Variants in MYT1 observed in about 807,000 individuals in gnomAD.
MYT1 encodes the protein myelin transcription factor 1.
Under a neutral mutation model 123.0 loss-of-function variants are expected in MYT1, and 23 were observed. That is an observed-to-expected ratio of 0.19 (90% CI 0.13 to 0.26). The LOEUF (loss-of-function observed/expected upper bound fraction) is 0.26. Ranked by LOEUF, MYT1 falls within the 10% of genes least tolerant of loss-of-function variation. The pLI is 1.00. For missense variants in MYT1, 1,125 were observed against 1,472.5 expected, an observed-to-expected ratio of 0.76 and a Z score of 3.86; for synonymous variants, 518 against 575.3, an observed-to-expected ratio of 0.90 and a Z score of 1.43.
In MYT1 at chr20:64,168,755, C is replaced by T. The variant is rs1435716811; in HGVS notation, c.-99+4016C>T. Among the ~76,000 whole-genome samples, 5 of 152,344 alleles carry T rather than the reference C, an allele frequency of 3.3e-5. No homozygotes were observed. Among genetic ancestry groups the T allele is most frequent in the East Asian group, 1.9e-4 (1 of 5,184 alleles). Reference sequence around the variant, plus strand: ...TATTTGGGACTGTGGCCTGGGAGCACGGCCTGTGCCAGGAGGGTGCAGGTT... The same window carrying T: ...TATTTGGGACTGTGGCCTGGGAGCATGGCCTGTGCCAGGAGGGTGCAGGTT... On this transcript the variant is annotated intron_variant, in intron 1 of 22. Coordinates refer to ENST00000328439, the MANE Select transcript of MYT1 (RefSeq NM_004535.3). The surrounding 1 kb of genome is among the most constrained non-coding windows in gnomAD (Gnocchi z 6.1).
At position 64,212,506 on chromosome 20, in the gene MYT1, G is replaced by C. The variant is rs1001155535; in HGVS notation, c.1517+368G>C. Among the ~76,000 whole-genome samples, 1 of 152,168 alleles carries C rather than the reference G, an allele frequency of 6.6e-6. No individual in the cohort carries two copies. The highest frequency in any genetic ancestry group is 2.1e-4 in the South Asian group (1 of 4,828). ...AGTGGTGTTGCTGCCTTAACCCTAC[G>C]AGCTCCCGAGAGAGCAGGGGGCGGC... On this transcript the variant is annotated intron_variant, in intron 9 of 22. Coordinates refer to ENST00000328439, the MANE Select transcript of MYT1 (RefSeq NM_004535.3). The surrounding 1 kb of genome is among the most constrained non-coding windows in gnomAD (Gnocchi z 6.8).
At chr20:64,170,872 TATATATATATATAGAGAGAG>T (rs1249253061) in intron 1 of MYT1, among the ~76,000 whole-genome samples, 14 of 62,472 alleles carry the variant, frequency 2.2e-4, no homozygotes, top group Admixed American at 4.4e-4. Flanking sequence ...TATATATATA[TATATATATATATAGAGAGAG>T]AGAGAGAGAG....
Position 64,240,933 on chromosome 20 carries a change from T to C in MYT1, c.*485T>C, listed in dbSNP as rs1007084693. ...GAAGAAAGTGCGTTTTCTGTTTTCA[T>C]TTAATTCAGTTTTGTGTTAAGGGTG... is the stretch of plus-strand genomic sequence containing the variant. On this transcript the variant is annotated 3_prime_UTR_variant, in exon 23 of 23. Coordinates refer to ENST00000328439, the MANE Select transcript of MYT1 (RefSeq NM_004535.3). The C allele has an allele frequency of 1.9e-5, 3 of 157,172 alleles. No homozygotes were observed. The highest frequency in any genetic ancestry group is 1.8e-4 in the Admixed American group (3 of 16,252). 9.7% of individuals were successfully genotyped at this position (157,172 alleles called of 1,614,324 possible). A position where few individuals can be genotyped will look rare whatever the true frequency, so the allele number is the denominator to read the frequency against.
chr20:64,205,610 C>T lies in MYT1; in HGVS notation c.207C>T (p.His69=). 1 of 1,614,136 alleles carries T rather than the reference C, an allele frequency of 6.2e-7. No homozygotes were observed. The highest frequency in any genetic ancestry group is 1.1e-5 in the South Asian group (1 of 91,084). The part of the protein sequence containing the change: ...KRKLEGAEAE[H]LVSKRKSHPL... ...AGCTGGAGGGCGCTGAGGCTGAGCA[C>T]CTGGTGTCCAAGAGGAAGTCACACC... is the stretch of plus-strand genomic sequence containing the variant. Residue 69 remains histidine, a synonymous_variant, in exon 6 of 23, where the codon CAC becomes CAT. Coordinates refer to ENST00000328439, the MANE Select transcript of MYT1 (RefSeq NM_004535.3).
chr20:64,216,389 C>T (rs1417734999), intron 10 of MYT1, among the ~76,000 whole-genome samples: 2 of 152,244 alleles, frequency 1.3e-5, no homozygotes, highest in African/African-American at 4.8e-5. Context: ...CATGTAAAAT[C>T]CTGAAGTATT....
chr20:64,203,769 A>G lies in MYT1; in HGVS notation c.87-1266A>G, dbSNP rs1983395953. Among the ~76,000 whole-genome samples, 1 of 152,226 alleles carries G rather than the reference A, an allele frequency of 6.6e-6. No individual in the cohort carries two copies. The highest frequency in any genetic ancestry group is 1.5e-5 in the Non-Finnish European group (1 of 68,042). ...CTGGGCCCCACAGTTGTCTGCAGTC[A>G]GGCCTGTGATCAGTCGAATTAGAAA... On this transcript the variant is annotated intron_variant, in intron 4 of 22. Coordinates refer to ENST00000328439, the MANE Select transcript of MYT1 (RefSeq NM_004535.3). The surrounding 1 kb of genome is among the most constrained non-coding windows in gnomAD (Gnocchi z 5.1).
intron 1 of MYT1, among the ~76,000 whole-genome samples, chr20:64,179,881 TAC>T (rs139617357): frequency 2.7e-5 from 4 of 150,684 alleles, no homozygotes; most frequent in Admixed American, 6.6e-5. Flanking sequence ...TACACACAGT[TAC>T]ACACACGCTA....
chr20:64,181,991 C>T (rs1463180143), intron 1 of MYT1, among the ~76,000 whole-genome samples: 1 of 152,100 alleles, frequency 6.6e-6, no homozygotes, highest in South Asian at 2.1e-4. Context: ...GGCTGTGGTC[C>T]CCCAGGAGTC....
At position 64,231,687 on chromosome 20, in the gene MYT1, C is replaced by G. The variant is rs1272401293; in HGVS notation, c.2676-477C>G. 6.6e-6 allele frequency among the ~76,000 whole-genome samples: 1 copy of G among 152,218 alleles called. No homozygotes were observed. Among genetic ancestry groups the G allele is most frequent in the Admixed American group, 6.5e-5 (1 of 15,290 alleles). On this transcript the variant is annotated intron_variant, in intron 18 of 22. Transcript: ENST00000328439. The surrounding 1 kb of genome is among the most constrained non-coding windows in gnomAD (Gnocchi z 6.4). ...GTGACAGGCCTCTGCTGTCCCTGAG[C>G]TCCCCTGCTTAGGGGACCTTGTCAT...
At chr20:64,195,708 A>G (rs972704323) in intron 2 of MYT1, among the ~76,000 whole-genome samples, 3 of 152,186 alleles carry the variant, frequency 2.0e-5, no homozygotes, top group African/African-American at 7.2e-5. Context: ...AACCATGTAT[A>G]TTTTCAAAAG....
At chr20:64,211,951 G>A in intron 8 of MYT1, 97 bp from the exon 9 acceptor site, 1 of 1,004,336 alleles carries the variant, frequency 1.0e-6, no homozygotes. Context: ...CTTTGGACAA[G>A]GCTCCTGCAC....
Position 64,208,584 on chromosome 20 carries a change from T to A in MYT1, c.1291+97T>A. The A allele has an allele frequency of 1.4e-6, 2 of 1,468,218 alleles. No individual in the cohort carries two copies. The highest frequency in any genetic ancestry group is 1.8e-6 in the Non-Finnish European group (2 of 1,111,528). The allele number at this position is 1,468,218 out of a possible 1,614,324, so 90.9% of individuals were successfully genotyped here. ...TGAGAGCCCTTCTAGGACAGGGGGC[T>A]GGGGGATGGCAGAAAAGCAGACAAA... is the stretch of plus-strand genomic sequence containing the variant. On this transcript the variant is annotated intron_variant, in intron 7 of 22. Coordinates refer to ENST00000328439, the MANE Select transcript of MYT1 (RefSeq NM_004535.3). The surrounding 1 kb of genome is among the most constrained non-coding windows in gnomAD (Gnocchi z 5.4).
chr20:64,238,986 G>A (rs149696869), intron 21 of MYT1, among the ~76,000 whole-genome samples: 7 of 152,308 alleles, frequency 4.6e-5, no homozygotes, highest in Admixed American at 2.0e-4. Flanking sequence ...CAGAAGAAGC[G>A]TGCTTGACCC....
intron 18 of MYT1, among the ~76,000 whole-genome samples, chr20:64,230,155 A>AG (rs1260534317): frequency 4.0e-4 from 61 of 152,238 alleles, no homozygotes; most frequent in African/African-American, 1.4e-3. Flanking sequence ...ATGCGATTCA[A>AG]GGGAACAAAA....
At chr20:64,188,254 G>T (rs1300815581) in intron 1 of MYT1, among the ~76,000 whole-genome samples, 1 of 152,320 alleles carries the variant, frequency 6.6e-6, no homozygotes, top group East Asian at 1.9e-4. Context: ...GAGACTCAGC[G>T]CAGAACTCAG....
At chr20:64,201,809 T>C (rs1983312457) in intron 4 of MYT1, among the ~76,000 whole-genome samples, 1 of 152,204 alleles carries the variant, frequency 6.6e-6, no homozygotes, top group African/African-American at 2.4e-5. Flanking sequence ...AAACGCACCG[T>C]TGTGGTCTGT....
Position 64,240,265 on chromosome 20 carries a change from G to A in MYT1, c.3238-55G>A, listed in dbSNP as rs7360736. On this transcript the variant is annotated intron_variant, in intron 22 of 22. Coordinates refer to ENST00000328439, the MANE Select transcript of MYT1 (RefSeq NM_004535.3). ...GTTTGATGCTCCCACATCAGGCTCTGCGGTGTGGGGCCCACTGCATGGACG... is the reference window on the plus strand; with the variant it reads ...GTTTGATGCTCCCACATCAGGCTCTACGGTGTGGGGCCCACTGCATGGACG... 13,172 of 1,591,442 alleles carry A rather than the reference G, an allele frequency of 8.3e-3. 58 individuals are homozygous for A. The highest frequency in any genetic ancestry group is 0.011 in the Non-Finnish European group (12,331 of 1,168,910).
In MYT1 at chr20:64,215,212, G is replaced by A. The variant is rs368815823; in HGVS notation, c.1631+1565G>A. Among the ~76,000 whole-genome samples, 269 of 152,304 alleles carry A rather than the reference G, an allele frequency of 1.8e-3. 15 individuals are homozygous for A. In the South Asian group the frequency reaches 0.054, roughly 31 times the overall value. ...GTCAAACCGCAGATTTGGCCCCCGT[G>A]TGAGGCCAGGCAGGGGTGTCAAACA... On this transcript the variant is annotated intron_variant, in intron 10 of 22. Transcript: ENST00000328439.
In MYT1 at chr20:64,203,817, G is replaced by A. The variant is rs755964196; in HGVS notation, c.87-1218G>A. 2.0e-5 allele frequency among the ~76,000 whole-genome samples: 3 copies of A among 152,260 alleles called. No individual in the cohort carries two copies. The highest frequency in any genetic ancestry group is 4.4e-5 in the Non-Finnish European group (3 of 68,052). ...AAACGATCAGAGGTGTCTGGATAGA[G>A]ACTGGGGATGGCGTTCTTTTCCCCG... is the stretch of plus-strand genomic sequence containing the variant. On this transcript the variant is annotated intron_variant, in intron 4 of 22. Transcript: ENST00000328439. This position sits in a 1 kb window ranked among gnomAD's most constrained non-coding sequence, Gnocchi z 5.1.
Sources: gnomAD v4.1 joint callset for allele counts (sites outside exome capture counted in the v4.1 genomes callset) on GRCh38, gnomAD v4.1.1 for gene constraint, Gnocchi (gnomAD v3.1) non-coding constraint, MANE v1.5 for transcripts, NCBI Gene and HGNC (gene_info 2026-07-23, HGNC 2026-07-21) for gene names.